ANK1: variants seen among roughly 807,000 people sequenced by gnomAD.
ANK1 encodes ankyrin 1, also known as ankyrin-1.
In ANK1, 51 loss-of-function variants were observed where a neutral mutation model predicts 210.4. The observed-to-expected ratio is 0.24, with a 90% CI of 0.19 to 0.31. The LOEUF is 0.31. Ranked by LOEUF, ANK1 falls within the 10% of genes least tolerant of loss-of-function variation. The pLI is 1.00. For missense variants in ANK1, 2,051 were observed against 2,504.4 expected, an observed-to-expected ratio of 0.82 and a Z score of 3.86; for synonymous variants, 967 against 1,025.9, an observed-to-expected ratio of 0.94 and a Z score of 1.10.
chr8:41,711,638 C>T (rs1826149889), intron 16 of ANK1, among the ~76,000 whole-genome samples: 2 of 152,210 alleles, frequency 1.3e-5, no homozygotes, highest in African/African-American at 4.8e-5. Flanking sequence ...CTCCTTTAAC[C>T]AATTGCAAAT....
chr8:41,816,082 T>A (rs1803278696), intron 1 of ANK1, among the ~76,000 whole-genome samples: 1 of 152,246 alleles, frequency 6.6e-6, no homozygotes, highest in South Asian at 2.1e-4. Flanking sequence ...CGCTCTTACA[T>A]CTGTGTAATT....
intron 1 of ANK1, among the ~76,000 whole-genome samples, chr8:41,763,665 G>A (rs1326677952): frequency 6.6e-6 from 1 of 151,944 alleles, no homozygotes; most frequent in Non-Finnish European, 1.5e-5. Flanking sequence ...CATGGCAGAG[G>A]AAAAATGCTA....
intron 1 of ANK1, among the ~76,000 whole-genome samples, chr8:41,881,441 A>G (rs967213395): frequency 2.6e-5 from 4 of 152,152 alleles, no homozygotes; most frequent in African/African-American, 2.4e-5. Flanking sequence ...CTGTATCTGT[A>G]TCTATGGGAT....
At chr8:41,711,128 T>TA (rs2150625895) in intron 16 of ANK1, among the ~76,000 whole-genome samples, 1 of 152,300 alleles carries the variant, frequency 6.6e-6, no homozygotes, top group South Asian at 2.1e-4. Context: ...TGCACTGTAT[T>TA]AAAAGAGAGC....
chr8:41,721,841 G>A (rs748322835), intron 9 of ANK1, among the ~76,000 whole-genome samples: 15 of 152,138 alleles, frequency 9.9e-5, no homozygotes, highest in Admixed American at 3.9e-4. Flanking sequence ...AAGGTTGTAC[G>A]ATAGTTCCCA....
rs1340154648 is a variant in ANK1, at chr8:41,796,819, G to T, written c.27+693C>A. On this transcript the variant is annotated intron_variant, in intron 1 of 42. Transcript: ENST00000289734. ...ACACATGGCACAGGCTGGCCGTGCT[G>T]CCAGGCAGAGATAGGACGGGTTCTA... is the stretch of plus-strand genomic sequence containing the variant. Among the ~76,000 whole-genome samples the T allele has an allele frequency of 3.3e-5, 5 of 151,844 alleles. No individual in the cohort carries two copies. The East Asian group carries it at 9.7e-4, about 30-fold the overall frequency.
intron 3 of ANK1, among the ~76,000 whole-genome samples, chr8:41,731,790 C>T (rs1460101915): frequency 2.6e-5 from 4 of 152,302 alleles, no homozygotes; most frequent in African/African-American, 4.8e-5. Context: ...GGAGGAGATT[C>T]GGAAACAGTC....
At chr8:41,843,945 G>A (rs760110393) in intron 1 of ANK1, among the ~76,000 whole-genome samples, 5 of 152,172 alleles carry the variant, frequency 3.3e-5, no homozygotes, top group Non-Finnish European at 5.9e-5. Context: ...TGCAATCATG[G>A]CTCACTGCAG....
chr8:41,769,644 C>T (rs1362644992), intron 1 of ANK1, among the ~76,000 whole-genome samples: 17 of 152,192 alleles, frequency 1.1e-4, no homozygotes, highest in South Asian at 2.1e-4. Flanking sequence ...TGACACACTA[C>T]GAGTTGCACA....
chr8:41,739,521 CTTTTT>C (rs71239075), intron 2 of ANK1, among the ~76,000 whole-genome samples: 2 of 116,118 alleles, frequency 1.7e-5, no homozygotes, highest in Non-Finnish European at 3.6e-5. Flanking sequence ...TTTTTTCTTT[CTTTTT>C]TTTTTTTTTT....
At chr8:41,878,299 A>G (rs1816958200) in intron 1 of ANK1, among the ~76,000 whole-genome samples, 1 of 152,186 alleles carries the variant, frequency 6.6e-6, no homozygotes, top group South Asian at 2.1e-4. Flanking sequence ...GCAGGGGACG[A>G]TCACACCCCT....
intron 1 of ANK1, among the ~76,000 whole-genome samples, chr8:41,854,717 G>T (rs1224004288): frequency 6.6e-6 from 1 of 152,158 alleles, no homozygotes; most frequent in Non-Finnish European, 1.5e-5. Context: ...ACAGAGGAGG[G>T]TGACTTCAGG....
chr8:41,723,775 A>AT (rs1194906831), intron 7 of ANK1, 142 bp from the exon 8 acceptor site: 222 of 499,242 alleles, frequency 4.4e-4, no homozygotes, highest in Middle Eastern at 1.1e-3. Flanking sequence ...AAGATATTTT[A>AT]TTTTTTTTTA....
At position 41,692,811 on chromosome 8, in the gene ANK1, T is replaced by A; in HGVS notation, c.3695A>T (p.Glu1232Val). ...GGCCATGTAGGGCACTGCAGTGAGC[T>A]CTTTGTACAGCAGGGTGGCAAAGTT... ...AVNFATLLYKELTAVPYMAKF... is the reference protein window; with the variant it reads ...AVNFATLLYKVLTAVPYMAKF... The change falls in exon 31 of 43, where the codon GAG (glutamate) becomes GTG (valine). Residue 1232 changes from glutamate (E) to valine (V), a missense_variant. Glu to Val is a moderately radical substitution (Grantham distance 121). Coordinates refer to ENST00000289734, the MANE Select transcript of ANK1 (RefSeq NM_000037.4). 4 of 1,614,122 alleles carry A rather than the reference T, an allele frequency of 2.5e-6. No homozygotes were observed. The highest frequency in any genetic ancestry group is 3.4e-6 in the Non-Finnish European group (4 of 1,180,022).
chr8:41,863,927 C>T lies in ANK1; in HGVS notation c.126+32428G>A, dbSNP rs182351424. 2.0e-3 allele frequency among the ~76,000 whole-genome samples: 312 copies of T among 152,250 alleles called. 2 individuals are homozygous for T. The highest frequency in any genetic ancestry group is 6.6e-3 in the African/African-American group (274 of 41,544). ...ACAGGGGCAATGAATGAGGCTGCTG[C>T]ACGTTCTGCGCTTTTGTTAATTCAA... On this transcript the variant is annotated intron_variant, in intron 1 of 42. Transcript: ENST00000265709.
chr8:41,777,463 T>A (rs911765856), intron 1 of ANK1, among the ~76,000 whole-genome samples: 26 of 152,200 alleles, frequency 1.7e-4, no homozygotes, highest in African/African-American at 5.8e-4. Context: ...TAATCCCACC[T>A]ACCCAGGAGG....
chr8:41,889,589 C>T (rs970466665), intron 1 of ANK1, among the ~76,000 whole-genome samples: 1 of 152,168 alleles, frequency 6.6e-6, no homozygotes, highest in African/African-American at 2.4e-5. Flanking sequence ...TTTGCTTTCA[C>T]TTTGAGTGTC....
At chr8:41,843,555 G>A (rs1249890706) in intron 1 of ANK1, among the ~76,000 whole-genome samples, 2 of 152,196 alleles carry the variant, frequency 1.3e-5, no homozygotes, top group Non-Finnish European at 1.5e-5. Context: ...CAGCTGGGGC[G>A]ATCAGAAGAT....
Position 41,704,505 on chromosome 8 carries a change from T to A in ANK1, c.2098-33A>T, listed in dbSNP as rs553942071. ...GCAGATGAGAAGGAGTGACCGGAGC[T>A]GTCCTGAGCTGGGCATCACATGAAA... On this transcript the variant is annotated intron_variant, in intron 18 of 42. Transcript: ENST00000289734. This position sits in a 1 kb window ranked among gnomAD's most constrained non-coding sequence, Gnocchi z 4.1. 4 of 1,564,212 alleles carry A rather than the reference T, an allele frequency of 2.6e-6. No individual in the cohort carries two copies. Among genetic ancestry groups the A allele is most frequent in the Admixed American group, 1.7e-5 (1 of 59,922 alleles).
Sources: gnomAD v4.1 joint callset for allele counts (sites outside exome capture counted in the v4.1 genomes callset) on GRCh38, gnomAD v4.1.1 for gene constraint, Gnocchi (gnomAD v3.1) non-coding constraint, MANE v1.5 for transcripts, NCBI Gene and HGNC (gene_info 2026-07-23, HGNC 2026-07-21) for gene names.